Variants in KLHDC4 observed in about 807,000 individuals in gnomAD.
The protein encoded by KLHDC4 is kelch domain-containing protein 4.
Under a neutral mutation model 62.4 loss-of-function variants are expected in KLHDC4, and 90 were observed. That is an observed-to-expected ratio of 1.44 (90% CI 1.22 to 1.72). The LOEUF (loss-of-function observed/expected upper bound fraction) is 1.72, where lower values mean the gene tolerates loss of function less well. Among genes scored for constraint, KLHDC4 ranks in the 40% most tolerant of loss-of-function variants. The pLI is 0.00. For synonymous variants in KLHDC4, 386 were observed against 284.4 expected, an observed-to-expected ratio of 1.36 and a Z score of -3.59; for missense variants, 1,025 against 699.7, an observed-to-expected ratio of 1.47 and a Z score of -5.25.
chr16:87,737,783 GT>G (rs1199682414), intron 5 of KLHDC4, among the ~76,000 whole-genome samples: 1 of 151,938 alleles, frequency 6.6e-6, no homozygotes, highest in African/African-American at 2.4e-5. Context: ...TAGAGATGGC[GT>G]TTCACCATGT....
intron 8 of KLHDC4, 143 bp downstream of exon 8, chr16:87,714,353 CGA>C (rs2142965552): frequency 1.0e-6 from 1 of 990,174 alleles, no homozygotes; most frequent in Non-Finnish European, 1.3e-6. Context: ...CGGCCCACCC[CGA>C]AATGAGCCAT....
intron 1 of KLHDC4, 112 bp downstream of exon 1, chr16:87,765,680 G>T (rs1214316983): frequency 1.9e-6 from 2 of 1,047,282 alleles, no homozygotes; most frequent in Non-Finnish European, 2.7e-6. Flanking sequence ...CAGCTCTCCC[G>T]CAGGGCCGGC....
chr16:87,752,781 GA>G (rs1567810825), intron 4 of KLHDC4, among the ~76,000 whole-genome samples: 1 of 152,074 alleles, frequency 6.6e-6, no homozygotes, highest in African/African-American at 2.4e-5. Context: ...GAACACCAGG[GA>G]AAAAAATAAA....
intron 2 of KLHDC4, among the ~76,000 whole-genome samples, chr16:87,756,685 A>G (rs1431514596): frequency 6.7e-6 from 1 of 148,228 alleles, no homozygotes; most frequent in Non-Finnish European, 1.5e-5. Context: ...AAGGACAACC[A>G]TGGAGCTGGA....
At position 87,756,412 on chromosome 16, in the gene KLHDC4, A is replaced by C. The variant is rs1236715074; in HGVS notation, c.257T>G (p.Phe86Cys). ...TATATACTTTACTTTTTGGCCGTTG[A>C]AATATTCACCTCCAAAAAGGATTAA... ...DELILFGGEY[F>C]NGQKTFLYNE... Residue 86 changes from phenylalanine to cysteine, a missense_variant, in exon 3 of 12, where the codon TTC becomes TGC. By Grantham distance (205) the Phe-to-Cys change is radical (BLOSUM62 -2). Coordinates refer to ENST00000270583, the MANE Select transcript of KLHDC4 (RefSeq NM_017566.4). 6.2e-7 allele frequency: 1 copy of C among 1,612,950 alleles called. No individual in the cohort carries two copies. The highest frequency in any genetic ancestry group is 8.5e-7 in the Non-Finnish European group (1 of 1,178,916).
intron 6 of KLHDC4, among the ~76,000 whole-genome samples, chr16:87,729,154 C>T (rs1487852159): frequency 2.0e-5 from 3 of 152,058 alleles, no homozygotes. Context: ...ATCCCTTTTC[C>T]CCCCGAATTC....
chr16:87,718,988 G>GC (rs2037681110), intron 7 of KLHDC4, among the ~76,000 whole-genome samples: 1 of 150,814 alleles, frequency 6.6e-6, no homozygotes, highest in Non-Finnish European at 1.5e-5. Context: ...CCTCCGCCCG[G>GC]CAGCCGCCCC....
intron 7 of KLHDC4, among the ~76,000 whole-genome samples, chr16:87,719,208 G>C (rs563188209): frequency 3.7e-4 from 57 of 152,376 alleles, no homozygotes; most frequent in African/African-American, 1.2e-3. Flanking sequence ...GATGATGATG[G>C]TGGTTTTGTC....
At chr16:87,746,897 T>C (rs2043121443) in intron 5 of KLHDC4, among the ~76,000 whole-genome samples, 1 of 152,230 alleles carries the variant, frequency 6.6e-6, no homozygotes. Flanking sequence ...GAGGTGTCTG[T>C]TTATCAGACA....
downstream of KLHDC4, among the ~76,000 whole-genome samples, chr16:87,705,178 C>T (rs750608673): frequency 3.3e-5 from 5 of 152,200 alleles, no homozygotes; most frequent in African/African-American, 4.8e-5. Flanking sequence ...GTGTCCCAGC[C>T]GCGCCGCGCC....
rs145301047 is a variant in KLHDC4, at chr16:87,715,411, G to T, written c.760-838C>A. 1.7e-3 allele frequency among the ~76,000 whole-genome samples: 263 copies of T among 152,254 alleles called. 1 individual carries two copies. Among genetic ancestry groups the T allele is most frequent in the African/African-American group, 6.1e-3 (252 of 41,552 alleles). On this transcript the variant is annotated intron_variant, in intron 7 of 11. Transcript: ENST00000270583. ...TTGTGACGGATCAGGAACCGGCACT[G>T]ACCCGTTACCGGGAGCGTGGCCCAC...
chr16:87,705,790 TGGGCGGGGGCGG>T (rs57134800), downstream of KLHDC4, among the ~76,000 whole-genome samples: 4 of 147,154 alleles, frequency 2.7e-5, no homozygotes, highest in African/African-American at 7.4e-5. Flanking sequence ...GGGCAGGGCC[TGGGCGGGGGCGG>T]GGGCGGGGGC....
intron 5 of KLHDC4, among the ~76,000 whole-genome samples, chr16:87,734,858 A>C (rs574738886): frequency 6.6e-6 from 1 of 151,294 alleles, no homozygotes; most frequent in Non-Finnish European, 1.5e-5. Context: ...CACACTACAC[A>C]TGAGAGTCAA....
chr16:87,751,708 C>T (rs2043974315), intron 4 of KLHDC4, among the ~76,000 whole-genome samples: 1 of 151,966 alleles, frequency 6.6e-6, no homozygotes, highest in Admixed American at 6.6e-5. Flanking sequence ...TGCTTGAGCC[C>T]AGTACTTTGA....
chr16:87,757,867 G>T (rs908662273), intron 2 of KLHDC4, among the ~76,000 whole-genome samples: 1 of 152,054 alleles, frequency 6.6e-6, no homozygotes, highest in Non-Finnish European at 1.5e-5. Flanking sequence ...ACTCCATCCT[G>T]GGAGACAGAG....
At chr16:87,704,746 C>T (rs2034459345), downstream of KLHDC4, among the ~76,000 whole-genome samples, 1 of 152,116 alleles carries the variant, frequency 6.6e-6, no homozygotes, top group South Asian at 2.1e-4. Context: ...CTGCAATCAA[C>T]ACTGCTCTCA....
chr16:87,722,416 A>G (rs935051451), intron 7 of KLHDC4, among the ~76,000 whole-genome samples: 9 of 152,148 alleles, frequency 5.9e-5, no homozygotes, highest in African/African-American at 2.2e-4. Context: ...GTCCAGCCCC[A>G]AGGTCAAGGC....
At chr16:87,754,754 AC>A (rs1418244551) in intron 4 of KLHDC4, among the ~76,000 whole-genome samples, 1 of 152,186 alleles carries the variant, frequency 6.6e-6, no homozygotes, top group African/African-American at 2.4e-5. Context: ...TGGGTAGGAA[AC>A]CAGCTAACCA....
chr16:87,711,809 G>T (rs944158341), intron 8 of KLHDC4, among the ~76,000 whole-genome samples: 1 of 149,828 alleles, frequency 6.7e-6, no homozygotes, highest in African/African-American at 2.5e-5. Flanking sequence ...CGCCCGGCAC[G>T]GGGACCCTTC....
Sources: gnomAD v4.1 joint callset for allele counts (sites outside exome capture counted in the v4.1 genomes callset) on GRCh38, gnomAD v4.1.1 for gene constraint, MANE v1.5 for transcripts, NCBI Gene and HGNC (gene_info 2026-07-23, HGNC 2026-07-21) for gene names.